Variants in SORCS2 observed in about 807,000 individuals in gnomAD.
SORCS2 encodes VPS10 domain-containing receptor SorCS2.
A neutral mutation model predicts 141.6 loss-of-function variants in SORCS2; 100 were observed. The ratio of observed to expected loss-of-function variants is 0.71; its 90% CI spans 0.60 to 0.83. SORCS2 has a LOEUF of 0.83. SORCS2 is among the 40% of genes least tolerant of loss of function. SORCS2 has a pLI of 0.00. For missense variants in SORCS2, 1,646 were observed against 1,560.2 expected, an observed-to-expected ratio of 1.05 and a Z score of -0.93; for synonymous variants, 789 against 676.9, an observed-to-expected ratio of 1.17 and a Z score of -2.57.
intron 18 of SORCS2, among the ~76,000 whole-genome samples, chr4:7,719,702 T>G (rs116472266): frequency 0.012 from 1,885 of 152,224 alleles, 36 homozygotes; most frequent in African/African-American, 0.043. Context: ...TAGACCCCGC[T>G]GCGGCTGCCC....
intron 3 of SORCS2, among the ~76,000 whole-genome samples, chr4:7,596,152 C>G (rs898907796): frequency 6.6e-6 from 1 of 152,134 alleles, no homozygotes; most frequent in African/African-American, 2.4e-5. Flanking sequence ...CAATGCCACA[C>G]TGTGTGAGGC....
At chr4:7,691,963 G>A (rs1195801742) in intron 11 of SORCS2, among the ~76,000 whole-genome samples, 1 of 151,676 alleles carries the variant, frequency 6.6e-6, no homozygotes, top group Non-Finnish European at 1.5e-5. Context: ...CTGTGGGGGT[G>A]TCAGTCACAG....
chr4:7,349,058 G>A (rs2109002245), intron 1 of SORCS2, among the ~76,000 whole-genome samples: 1 of 152,286 alleles, frequency 6.6e-6, no homozygotes, highest in Admixed American at 6.5e-5. Flanking sequence ...TACCAAGGGG[G>A]AATTCAACTT....
At chr4:7,569,994 G>A (rs914203191) in intron 3 of SORCS2, among the ~76,000 whole-genome samples, 1 of 152,114 alleles carries the variant, frequency 6.6e-6, no homozygotes, top group Non-Finnish European at 1.5e-5. Flanking sequence ...AGCTCTCCTG[G>A]GCAGGGGACG....
At chr4:7,592,209 C>T (rs1232602062) in intron 3 of SORCS2, among the ~76,000 whole-genome samples, 1 of 152,100 alleles carries the variant, frequency 6.6e-6, no homozygotes, top group African/African-American at 2.4e-5. Flanking sequence ...TTTGTGGGCT[C>T]CCCCAACTAC....
At chr4:7,257,415 G>A (rs933910231) in intron 1 of SORCS2, among the ~76,000 whole-genome samples, 6 of 152,176 alleles carry the variant, frequency 3.9e-5, no homozygotes, top group African/African-American at 1.2e-4. Flanking sequence ...AGAGAAACCA[G>A]TGTAAGTATG....
At chr4:7,459,097 TG>T (rs1220680072) in intron 2 of SORCS2, among the ~76,000 whole-genome samples, 1 of 152,082 alleles carries the variant, frequency 6.6e-6, no homozygotes, top group Non-Finnish European at 1.5e-5. Context: ...CACACTCTTC[TG>T]TGTGCGCAAA....
chr4:7,429,800 G>C (rs964730520), intron 2 of SORCS2, among the ~76,000 whole-genome samples: 32 of 152,214 alleles, frequency 2.1e-4, no homozygotes, highest in African/African-American at 7.5e-4. Context: ...TGAGCCTGCT[G>C]CTCCCTCCAC....
chr4:7,255,689 C>T (rs1713808691), intron 1 of SORCS2, among the ~76,000 whole-genome samples: 1 of 152,212 alleles, frequency 6.6e-6, no homozygotes, highest in South Asian at 2.1e-4. Flanking sequence ...ACAGCCATAA[C>T]TGAGAAACCA....
chr4:7,437,202 G>A (rs1414091721), intron 2 of SORCS2, among the ~76,000 whole-genome samples: 3 of 152,164 alleles, frequency 2.0e-5, no homozygotes, highest in Admixed American at 1.3e-4. Flanking sequence ...CTGACGAAGT[G>A]GCTATAAACC....
At chr4:7,461,179 A>T (rs901053351) in intron 2 of SORCS2, among the ~76,000 whole-genome samples, 1 of 151,958 alleles carries the variant, frequency 6.6e-6, no homozygotes, top group Non-Finnish European at 1.5e-5. Flanking sequence ...TAAATTATTC[A>T]TCATTTCCTG....
In SORCS2 at chr4:7,726,869, G is replaced by A. The variant is rs201000536; in HGVS notation, c.2835G>A (p.Ser945=). 7.5e-4 allele frequency: 1,218 copies of A among 1,613,816 alleles called. 19 individuals are homozygous for A. In the African/African-American group the frequency reaches 0.014, roughly 19 times the overall value. Residue 945 remains serine (S), a synonymous_variant, in exon 21 of 27, where the codon TCG becomes TCA. Coordinates refer to ENST00000507866, the MANE Select transcript of SORCS2 (RefSeq NM_020777.3). ...CGGTGCAGGCCGCCTGTGGGAACTC[G>A]GTGCTGCAGGACTCCAGGGTCCTCC... The part of the protein sequence containing the change: ...RVTVQAACGN[S]VLQDSRVLRV...
chr4:7,504,698 C>T (rs1289404625), intron 2 of SORCS2, among the ~76,000 whole-genome samples: 2 of 152,222 alleles, frequency 1.3e-5, no homozygotes, highest in African/African-American at 4.8e-5. Flanking sequence ...CTGTCGCTAT[C>T]ACGAGTAGTA....
intron 3 of SORCS2, among the ~76,000 whole-genome samples, chr4:7,554,648 G>A (rs761734691): frequency 1.9e-4 from 29 of 152,148 alleles, no homozygotes; most frequent in Non-Finnish European, 3.4e-4. Flanking sequence ...TTGTGCTCAG[G>A]GCATCTTTGA....
intron 1 of SORCS2, among the ~76,000 whole-genome samples, chr4:7,377,642 C>T (rs766611635): frequency 9.9e-5 from 15 of 152,178 alleles, no homozygotes; most frequent in South Asian, 2.1e-4. Context: ...GATGTGATGG[C>T]GGCAGGGCTC....
intron 3 of SORCS2, among the ~76,000 whole-genome samples, chr4:7,557,188 T>C (rs545288114): frequency 1.1e-4 from 16 of 152,322 alleles, no homozygotes; most frequent in African/African-American, 3.6e-4. Flanking sequence ...AATTTACCTT[T>C]GTTCAGTCAA....
At position 7,286,465 on chromosome 4, in the gene SORCS2, C is replaced by T. The variant is rs1716230652; in HGVS notation, c.480+93339C>T. 6.6e-6 allele frequency among the ~76,000 whole-genome samples: 1 copy of T among 152,208 alleles called. No individual in the cohort carries two copies. The highest frequency in any genetic ancestry group is 2.4e-5 in the African/African-American group (1 of 41,456). On this transcript the variant is annotated intron_variant, in intron 1 of 26. Coordinates refer to ENST00000507866, the MANE Select transcript of SORCS2 (RefSeq NM_020777.3). The surrounding 1 kb of genome is among the most constrained non-coding windows in gnomAD (Gnocchi z 4.1). ...GGCCTGACGTTGGAGATGCACCATC[C>T]TCTCAGCCCTGTTTCTCTTCTTCTC...
intron 3 of SORCS2, among the ~76,000 whole-genome samples, chr4:7,535,821 G>C (rs1712076351): frequency 6.6e-6 from 1 of 152,164 alleles, no homozygotes; most frequent in African/African-American, 2.4e-5. Context: ...AGGCATGGGG[G>C]GCATTGCCCT....
At chr4:7,293,832 G>A (rs923147420) in intron 1 of SORCS2, among the ~76,000 whole-genome samples, 2 of 152,170 alleles carry the variant, frequency 1.3e-5, no homozygotes, top group Admixed American at 6.5e-5. Flanking sequence ...TTCCAAATTA[G>A]CGTCTCTCTT....
Sources: gnomAD v4.1 joint callset for allele counts (sites outside exome capture counted in the v4.1 genomes callset) on GRCh38, gnomAD v4.1.1 for gene constraint, Gnocchi (gnomAD v3.1) non-coding constraint, MANE v1.5 for transcripts, NCBI Gene and HGNC (gene_info 2026-07-23, HGNC 2026-07-21) for gene names.